The following SLC25A28 variants were observed in gnomAD, a reference collection of about 807,000 sequenced individuals.
The protein encoded by SLC25A28 is mitoferrin-2.
Under a neutral mutation model 31.9 loss-of-function variants are expected in SLC25A28, and 10 were observed. The observed-to-expected ratio is 0.31, with a 90% confidence interval of 0.19 to 0.53. The LOEUF is 0.53. SLC25A28 is among the 20% of genes least tolerant of loss of function. The pLI is 0.95. For synonymous variants in SLC25A28, 208 were observed against 203.6 expected (o/e 1.02, Z -0.19); for missense variants, 256 against 490.3 (o/e 0.52, Z 4.51).
chr10:99,611,529 T>G lies in SLC25A28; in HGVS notation c.578-163A>C. ...ACCTGAGAAGTCAGCTTCCCTTTTT[T>G]GAGGGGAAGGAGTAAGCAGAGGGTT... On this transcript the variant is annotated intron_variant, in intron 3 of 3. Coordinates refer to ENST00000370495, the MANE Select transcript of SLC25A28 (RefSeq NM_031212.4). The surrounding 1 kb of genome is among the most constrained non-coding windows in gnomAD (Gnocchi z 5.5). 1 of 843,442 alleles carries G rather than the reference T, an allele frequency of 1.2e-6. No individual in the cohort carries two copies. The highest frequency in any genetic ancestry group is 2.6e-5 in the East Asian group (1 of 37,960). The allele number at this position is 843,442 out of a possible 1,614,324, so 52.2% of individuals were successfully genotyped here. A position where few individuals can be genotyped will look rare whatever the true frequency, so the allele number is the denominator to read the frequency against.
Position 99,620,147 on chromosome 10 carries a change from G to A in SLC25A28, c.189C>T (p.Tyr63=), listed in dbSNP as rs2034750892. ...VRQDPDSGPD[Y]EALPAGATVT... Reference sequence around the variant, plus strand: ...CAGTGGCTCCAGCCGGCAGCGCCTCGTAGTCCGGGCCGGAGTCCGGATCTT... The same window carrying A: ...CAGTGGCTCCAGCCGGCAGCGCCTCATAGTCCGGGCCGGAGTCCGGATCTT... Residue 63 remains tyrosine (Y), a synonymous_variant, in exon 1 of 4, where the codon TAC becomes TAT. Coordinates refer to ENST00000370495, the MANE Select transcript of SLC25A28 (RefSeq NM_031212.4). 1 of 1,575,490 alleles carries A rather than the reference G, an allele frequency of 6.3e-7. No individual in the cohort carries two copies. The highest frequency in any genetic ancestry group is 8.6e-7 in the Non-Finnish European group (1 of 1,168,934).
the SLC25A28 span, among the ~76,000 whole-genome samples, chr10:99,656,210 A>G: frequency 2.6e-5 from 4 of 152,286 alleles, no homozygotes; most frequent in East Asian, 7.7e-4. Flanking sequence ...AGGTTTCCCA[A>G]TGGTAACAGA....
At chr10:99,620,582 T>A, upstream of SLC25A28, 1 of 1,011,306 alleles carries the variant, frequency 9.9e-7, no homozygotes. Context: ...TCCTCCGCCC[T>A]GAGGCGTTGC....
chr10:99,622,743 G>A (rs1329417517), upstream of SLC25A28: 1 of 981,080 alleles, frequency 1.0e-6, no homozygotes, highest in African/African-American at 1.8e-5. Context: ...AATGCTTCTT[G>A]GTCATCTTTA....
chr10:99,638,151 A>G, the SLC25A28 span, among the ~76,000 whole-genome samples: 1 of 152,198 alleles, frequency 6.6e-6, no homozygotes, highest in East Asian at 1.9e-4. Context: ...AATACTTAAC[A>G]GCCAACTGAT....
At chr10:99,614,114 A>AC (rs2133343621) in intron 1 of SLC25A28, among the ~76,000 whole-genome samples, 190 bp from the exon 2 acceptor site, 2 of 152,012 alleles carry the variant, frequency 1.3e-5, no homozygotes, top group South Asian at 4.1e-4. Context: ...GTCATCTATG[A>AC]CCCTAAGAAT....
chr10:99,643,047 C>T, the SLC25A28 span, among the ~76,000 whole-genome samples: 57 of 152,098 alleles, frequency 3.7e-4, no homozygotes, highest in Middle Eastern at 0.027. Flanking sequence ...TGTGTCTCTG[C>T]CAGGCTTTGG....
intron 1 of SLC25A28, among the ~76,000 whole-genome samples, chr10:99,614,428 T>C (rs1342997810): frequency 6.6e-6 from 1 of 152,244 alleles, no homozygotes; most frequent in East Asian, 1.9e-4. Flanking sequence ...TGGCTGGGTC[T>C]ACACAGAGTC....
the SLC25A28 span, among the ~76,000 whole-genome samples, chr10:99,627,046 G>A: frequency 4.6e-5 from 7 of 152,084 alleles, no homozygotes; most frequent in Admixed American, 2.6e-4. Flanking sequence ...TTCGAGACCA[G>A]CCTGGCCAAC....
the SLC25A28 span, among the ~76,000 whole-genome samples, chr10:99,626,764 A>T: frequency 6.8e-6 from 1 of 146,968 alleles, no homozygotes; most frequent in Non-Finnish European, 1.5e-5. Flanking sequence ...GTACATAAAT[A>T]TGGTACAGTG....
chr10:99,631,886 T>TTTA, the SLC25A28 span, among the ~76,000 whole-genome samples: 1 of 98,542 alleles, frequency 1.0e-5, no homozygotes, highest in Non-Finnish European at 2.1e-5. Flanking sequence ...TTATTTTTTT[T>TTTA]TTTTATTTTT....
chr10:99,636,633 C>T, the SLC25A28 span, among the ~76,000 whole-genome samples: 1 of 152,056 alleles, frequency 6.6e-6, no homozygotes, highest in Admixed American at 6.6e-5. Flanking sequence ...TGCTGAAATA[C>T]AAAAGATCAT....
chr10:99,639,291 T>G, the SLC25A28 span, among the ~76,000 whole-genome samples: 9 of 150,734 alleles, frequency 6.0e-5, no homozygotes, highest in East Asian at 1.8e-3. Flanking sequence ...GCTGTGAGGA[T>G]GCAAAGCCAT....
At chr10:99,637,398 T>C in the SLC25A28 span, among the ~76,000 whole-genome samples, 1 of 152,120 alleles carries the variant, frequency 6.6e-6, no homozygotes, top group East Asian at 1.9e-4. Context: ...TTGCCCACTC[T>C]CACCACTCCT....
At chr10:99,616,387 T>G (rs1484003286) in intron 1 of SLC25A28, 1 of 865,246 alleles carries the variant, frequency 1.2e-6, no homozygotes, top group Non-Finnish European at 1.4e-6. Context: ...AGAGATAAGA[T>G]ATGTAAAAGC....
upstream of SLC25A28, chr10:99,621,012 A>G: frequency 3.1e-6 from 3 of 981,072 alleles, no homozygotes; most frequent in Non-Finnish European, 3.6e-6. Flanking sequence ...CTGGCCCCGG[A>G]GAGCCGTGTT....
chr10:99,625,110 C>T (rs2034858730), upstream of SLC25A28, among the ~76,000 whole-genome samples: 1 of 151,780 alleles, frequency 6.6e-6, no homozygotes, highest in Non-Finnish European at 1.5e-5. Flanking sequence ...CCAGTGGGTT[C>T]GTGGTCTCGC....
At chr10:99,639,722 TAC>T in the SLC25A28 span, among the ~76,000 whole-genome samples, 406 of 131,102 alleles carry the variant, frequency 3.1e-3, 1 homozygote, top group Non-Finnish European at 3.9e-3. Context: ...GCACCATGGG[TAC>T]ACACACACAC....
At chr10:99,615,255 G>A (rs1046859203) in intron 1 of SLC25A28, among the ~76,000 whole-genome samples, 8 of 151,494 alleles carry the variant, frequency 5.3e-5, no homozygotes, top group Non-Finnish European at 1.0e-4. Context: ...TACTCAGGAG[G>A]CAGGAGAATC....
Sources: allele counts gnomAD v4.1 joint callset (sites outside exome capture counted in the v4.1 genomes callset), GRCh38; gene constraint gnomAD v4.1.1; non-coding constraint Gnocchi (gnomAD v3.1); transcripts MANE v1.5; gene names NCBI Gene and HGNC (gene_info 2026-07-23, HGNC 2026-07-21).